The following CCSER1 variants were observed in gnomAD, a reference collection of about 807,000 sequenced individuals.
CCSER1 encodes coiled-coil serine rich protein 1.
In CCSER1, 41 loss-of-function variants were observed where a neutral mutation model predicts 82.0. That is an observed-to-expected ratio of 0.50 (90% CI 0.39 to 0.65). The LOEUF (loss-of-function observed/expected upper bound fraction) is 0.65, where lower values mean the gene tolerates loss of function less well. CCSER1 is among the 30% of genes least tolerant of loss of function. CCSER1 has a pLI of 0.00. For missense variants in CCSER1, 1,119 were observed against 1,064.2 expected, an observed-to-expected ratio of 1.05 and a Z score of -0.72; for synonymous variants, 414 against 383.9, an observed-to-expected ratio of 1.08 and a Z score of -0.92.
chr4:90,210,329 T>G (rs1013374188), intron 1 of CCSER1, among the ~76,000 whole-genome samples: 1 of 152,214 alleles, frequency 6.6e-6, no homozygotes, highest in African/African-American at 2.4e-5. Context: ...TACATATATA[T>G]GTTTTGTCTT....
rs184292077 is a variant in CCSER1, at chr4:91,159,746, T to A, written c.2217+73752T>A. On this transcript the variant is annotated intron_variant, in intron 10 of 10. Coordinates refer to ENST00000509176, the MANE Select transcript of CCSER1 (RefSeq NM_001145065.2). ...CTGTTGTGTGTGAATATAAACAGAA[T>A]TTCAAATGCAACTGAGAAAATTTTT... 1.2e-3 allele frequency among the ~76,000 whole-genome samples: 187 copies of A among 152,048 alleles called. 4 individuals carry two copies. The East Asian group carries it at 0.032, about 26-fold the overall frequency.
intron 9 of CCSER1, among the ~76,000 whole-genome samples, chr4:91,032,317 T>A (rs1211522542): frequency 6.6e-6 from 1 of 152,156 alleles, no homozygotes; most frequent in Non-Finnish European, 1.5e-5. Flanking sequence ...CATTTTATCA[T>A]GCTAGAATAA....
intron 10 of CCSER1, among the ~76,000 whole-genome samples, chr4:91,442,791 C>T (rs1327042334): frequency 2.7e-5 from 4 of 150,038 alleles, no homozygotes; most frequent in African/African-American, 7.4e-5. Flanking sequence ...AAACAAACAA[C>T]CCCATCAAAA....
chr4:91,224,057 CT>C (rs5860224), intron 10 of CCSER1, among the ~76,000 whole-genome samples: 22,202 of 140,340 alleles, frequency 0.16, 1,544 homozygotes, highest in Middle Eastern at 0.19. Flanking sequence ...CTCAAAGTGG[CT>C]TTTTTTTTTT....
rs566158102 is a variant in CCSER1, at chr4:90,935,191, A to G, written c.2172+11744A>G. On this transcript the variant is annotated intron_variant, in intron 9 of 10. Coordinates refer to ENST00000509176, the MANE Select transcript of CCSER1 (RefSeq NM_001145065.2). ...CTCTCATGCTGAAATTTGATTCCCA[A>G]TTGGAGATGGGGTTTAATGGGAGAA... Among the ~76,000 whole-genome samples the G allele has an allele frequency of 1.5e-4, 23 of 152,098 alleles. No homozygotes were observed. In the South Asian group the frequency reaches 4.2e-3, roughly 27 times the overall value.
intron 10 of CCSER1, among the ~76,000 whole-genome samples, chr4:91,504,816 GAGA>G (rs1340448648): frequency 2.6e-4 from 40 of 152,264 alleles, no homozygotes; most frequent in South Asian, 1.7e-3. Flanking sequence ...TAATTATGGT[GAGA>G]AGGAGTGTTC....
At chr4:91,390,649 G>T (rs751922407) in intron 10 of CCSER1, among the ~76,000 whole-genome samples, 1 of 151,884 alleles carries the variant, frequency 6.6e-6, no homozygotes, top group Non-Finnish European at 1.5e-5. Context: ...ATAGTGTAGA[G>T]AATTTGTATA....
chr4:91,232,946 A>C (rs572947492), intron 10 of CCSER1, among the ~76,000 whole-genome samples: 1 of 151,996 alleles, frequency 6.6e-6, no homozygotes, highest in East Asian at 1.9e-4. Flanking sequence ...ATGGGTAGAT[A>C]TGTATAAAAG....
intron 10 of CCSER1, among the ~76,000 whole-genome samples, chr4:91,438,500 G>A (rs1349497437): frequency 6.6e-6 from 1 of 151,988 alleles, no homozygotes; most frequent in Non-Finnish European, 1.5e-5. Flanking sequence ...CATCATCAAA[G>A]ACCAAAAGTA....
At chr4:90,454,197 A>T (rs113316031) in intron 4 of CCSER1, among the ~76,000 whole-genome samples, 3 of 149,384 alleles carry the variant, frequency 2.0e-5, no homozygotes, top group African/African-American at 7.4e-5. Context: ...CAAAGAGTCC[A>T]TTAGAGCCTC....
intron 6 of CCSER1, among the ~76,000 whole-genome samples, chr4:90,711,885 G>T (rs1580091377): frequency 6.6e-6 from 1 of 151,820 alleles, no homozygotes; most frequent in South Asian, 2.1e-4. Context: ...TAATTTCTTG[G>T]TATAGTTTCA....
chr4:91,167,444 A>T (rs530430169), intron 10 of CCSER1, among the ~76,000 whole-genome samples: 54 of 152,244 alleles, frequency 3.5e-4, no homozygotes, highest in African/African-American at 1.3e-3. Flanking sequence ...TCAGCCTCCC[A>T]AAGTGCTGGG....
chr4:90,342,108 A>G (rs1322566038), intron 3 of CCSER1, among the ~76,000 whole-genome samples: 1 of 152,180 alleles, frequency 6.6e-6, no homozygotes, highest in African/African-American at 2.4e-5. Context: ...TAAGTGCAGT[A>G]AATGCAGGCA....
chr4:91,386,874 G>T (rs1436730282), intron 10 of CCSER1, among the ~76,000 whole-genome samples: 5 of 151,882 alleles, frequency 3.3e-5, no homozygotes, highest in Non-Finnish European at 7.4e-5. Context: ...CAAAAAAGAT[G>T]CATAAACCCT....
chr4:91,109,645 G>A lies in CCSER1; in HGVS notation c.2217+23651G>A, dbSNP rs75131675. On this transcript the variant is annotated intron_variant, in intron 10 of 10. Coordinates refer to ENST00000509176, the MANE Select transcript of CCSER1 (RefSeq NM_001145065.2). ...TCATGTTGAAAATAATAGTTCAAGA[G>A]TTGGCAACAAGAAAATGAATGTGAA... Among the ~76,000 whole-genome samples the A allele has an allele frequency of 8.3e-3, 1,267 of 152,172 alleles. 10 individuals are homozygous for A. Among genetic ancestry groups the A allele is most frequent in the Middle Eastern group, 0.034 (10 of 294 alleles).
chr4:90,423,164 A>T lies in CCSER1; in HGVS notation c.1603+23035A>T, dbSNP rs952772615. On this transcript the variant is annotated intron_variant, in intron 4 of 10. Transcript: ENST00000509176. ...TTATTTGGTGTAAATAATGATAAAA[A>T]TATTGAATGAAAATGGAAATAAAAA... 5.3e-5 allele frequency among the ~76,000 whole-genome samples: 8 copies of T among 152,218 alleles called. No individual in the cohort carries two copies. In the East Asian group the frequency reaches 1.5e-3, roughly 29 times the overall value.
rs1729769278 is a variant in CCSER1 at position 91,148,484 on chromosome 4, T to C, written c.2217+62490T>C. On this transcript the variant is annotated intron_variant, in intron 10 of 10. Transcript: ENST00000509176. ...TACCAGACATTCTTATTTATTTATT[T>C]ATTTATTTTTATTATTATACTTTAA... Among the ~76,000 whole-genome samples the C allele has an allele frequency of 1.3e-5, 2 of 152,036 alleles. 1 individual carries two copies. Among genetic ancestry groups the C allele is most frequent in the South Asian group, 4.1e-4 (2 of 4,824 alleles).
intron 10 of CCSER1, among the ~76,000 whole-genome samples, chr4:91,347,122 G>T (rs966428981): frequency 6.6e-6 from 1 of 151,948 alleles, no homozygotes; most frequent in South Asian, 2.1e-4. Flanking sequence ...TTATATCTTT[G>T]TGTTTACATT....
At chr4:91,040,002 A>G (rs1399467220) in intron 9 of CCSER1, among the ~76,000 whole-genome samples, 1 of 152,152 alleles carries the variant, frequency 6.6e-6, no homozygotes, top group African/African-American at 2.4e-5. Flanking sequence ...CTAATATTTA[A>G]TGACTCCAAT....
Sources: gnomAD v4.1 joint callset for allele counts (sites outside exome capture counted in the v4.1 genomes callset) on GRCh38, gnomAD v4.1.1 for gene constraint, MANE v1.5 for transcripts, NCBI Gene and HGNC (gene_info 2026-07-23, HGNC 2026-07-21) for gene names.